DNM2: variants seen among roughly 807,000 people sequenced by gnomAD.
DNM2 encodes dynamin 2.
Under a neutral mutation model 99.0 loss-of-function variants are expected in DNM2, and 15 were observed. The observed-to-expected ratio is 0.15, with a 90% confidence interval of 0.10 to 0.23. DNM2 has a LOEUF of 0.23. Among genes scored for constraint, DNM2 ranks in the 10% least tolerant of loss-of-function variants. The pLI is 1.00. For synonymous variants in DNM2, 525 were observed against 481.2 expected, an observed-to-expected ratio of 1.09 and a Z score of -1.19; for missense variants, 742 against 1,189.4, an observed-to-expected ratio of 0.62 and a Z score of 5.53.
At chr19:10,739,524 T>C (rs909659809) in intron 1 of DNM2, among the ~76,000 whole-genome samples, 1 of 152,224 alleles carries the variant, frequency 6.6e-6, no homozygotes, top group Admixed American at 6.5e-5. Flanking sequence ...TGGCCTTTTG[T>C]GTGTGGCTTT....
Position 10,820,021 on chromosome 19 carries a change from G to C in DNM2, c.1713G>C (p.Lys571Asn). The change falls in exon 16 of 21, where the codon AAG becomes AAC. Residue 571 changes from lysine to asparagine, a missense_variant. By Grantham distance (94) the Lys-to-Asn change is moderately conservative (BLOSUM62 0). Coordinates refer to ENST00000389253, the MANE Select transcript of DNM2 (RefSeq NM_001005361.3). The surrounding 1 kb of genome is among the most constrained non-coding windows in gnomAD (Gnocchi z 4.3). ...KKYMLPLDNL[K>N]IRDVEKGFMS... ...ACATGCTGCCTCTGGACAACCTCAA[G>C]ATCCGTGATGTGGAGAAGGGCTTCA... 1 of 1,614,202 alleles carries C rather than the reference G, an allele frequency of 6.2e-7. No individual in the cohort carries two copies. The highest frequency in any genetic ancestry group is 8.5e-7 in the Non-Finnish European group (1 of 1,180,040).
intron 8 of DNM2, among the ~76,000 whole-genome samples, chr19:10,794,776 A>T (rs1403546999): frequency 1.3e-5 from 2 of 152,106 alleles, no homozygotes; most frequent in Non-Finnish European, 2.9e-5. Flanking sequence ...AAAGAAAGAA[A>T]AAAGAAAAAG....
At chr19:10,751,877 A>G (rs2070207864) in intron 1 of DNM2, among the ~76,000 whole-genome samples, 1 of 152,248 alleles carries the variant, frequency 6.6e-6, no homozygotes, top group Admixed American at 6.5e-5. Flanking sequence ...TAGCAAAGCA[A>G]TTTTACTTCT....
intron 1 of DNM2, among the ~76,000 whole-genome samples, chr19:10,719,974 C>T (rs1041194842): frequency 1.3e-5 from 2 of 151,430 alleles, no homozygotes; most frequent in African/African-American, 4.8e-5. Context: ...CTTCTGTCTA[C>T]CGTGGTGGAA....
chr19:10,808,795 T>G (rs1373561125), intron 14 of DNM2: 2 of 493,818 alleles, frequency 4.1e-6, no homozygotes, highest in East Asian at 6.6e-5. Context: ...ACCGCCACCC[T>G]TGAAGGCGCA....
chr19:10,755,897 C>T (rs1418401613), intron 1 of DNM2, among the ~76,000 whole-genome samples: 1 of 152,146 alleles, frequency 6.6e-6, no homozygotes, highest in African/African-American at 2.4e-5. Flanking sequence ...CTCCTGACCT[C>T]AGGTGACCCA....
chr19:10,814,519 C>A (rs1263085241), intron 15 of DNM2, among the ~76,000 whole-genome samples: 1 of 152,116 alleles, frequency 6.6e-6, no homozygotes, highest in African/African-American at 2.4e-5. Flanking sequence ...ACTGCAGTCA[C>A]CCTACTCTTC....
chr19:10,815,989 A>G (rs1232109101), intron 15 of DNM2, among the ~76,000 whole-genome samples: 1 of 152,046 alleles, frequency 6.6e-6, no homozygotes, highest in Non-Finnish European at 1.5e-5. Flanking sequence ...AAGAGAGCCC[A>G]CTGAGGCCAC....
At chr19:10,759,109 TTTTAG>T (rs371435868) in intron 1 of DNM2, among the ~76,000 whole-genome samples, 60 of 152,278 alleles carry the variant, frequency 3.9e-4, no homozygotes, top group African/African-American at 1.2e-3. Flanking sequence ...GCCCAGCTAA[TTTTAG>T]TTTAGTTTAG....
Position 10,759,817 on chromosome 19 carries a change from A to G in DNM2, c.235+6A>G, listed in dbSNP as rs113192269. 1.7e-3 allele frequency: 2,754 copies of G among 1,613,852 alleles called. 31 individuals are homozygous for G. The African/African-American group carries it at 0.023, about 13-fold the overall frequency. On this transcript the variant is annotated splice_donor_region_variant and intron_variant, in intron 2 of 20. Transcript: ENST00000389253. ...GCTCATCTTCTCAAAAACAGGTAAA[A>G]TGGGGCGGCCTGAGGTTCAGCAGGA...
chr19:10,776,435 C>CT (rs2071157091), intron 4 of DNM2, among the ~76,000 whole-genome samples: 1 of 152,162 alleles, frequency 6.6e-6, no homozygotes, highest in Non-Finnish European at 1.5e-5. Flanking sequence ...GAAGGGGCCC[C>CT]AGGGAGGGCA....
rs746216953 is a variant in DNM2, at chr19:10,830,128, C to T, written c.2293C>T (p.Pro765Ser). 7 of 1,613,850 alleles carry T rather than the reference C, an allele frequency of 4.3e-6. No homozygotes were observed. In the South Asian group the frequency reaches 5.5e-5, roughly 13 times the overall value. The change falls in exon 20 of 21, where the codon CCC becomes TCC. Residue 765 changes from proline to serine, a missense_variant and splice_region_variant. Transcript: ENST00000389253. The surrounding 1 kb of genome is among the most constrained non-coding windows in gnomAD (Gnocchi z 4.8). ...CTCACACCCTCTCCTTCCTCACAGC[C>T]CCACTCCACAGCGCCGACCGGTGTC... is the stretch of plus-strand genomic sequence containing the variant. ...TWLQSASSHS[P>S]TPQRRPVSSI... is the part of the protein sequence containing the mutation.
intron 1 of DNM2, among the ~76,000 whole-genome samples, chr19:10,756,130 G>A (rs1045729305): frequency 3.3e-5 from 5 of 152,126 alleles, no homozygotes; most frequent in Admixed American, 6.6e-5. Flanking sequence ...TGACTACTGT[G>A]ACGGAAAGAC....
At chr19:10,780,675 C>G (rs1322987299) in intron 5 of DNM2, among the ~76,000 whole-genome samples, 1 of 152,084 alleles carries the variant, frequency 6.6e-6, no homozygotes, top group Non-Finnish European at 1.5e-5. Context: ...TGCCTATAAC[C>G]CCAGGATTTT....
chr19:10,743,334 C>G (rs1254373862), intron 1 of DNM2, among the ~76,000 whole-genome samples: 1 of 151,796 alleles, frequency 6.6e-6, no homozygotes, highest in East Asian at 2.0e-4. Flanking sequence ...GATGCTCTAG[C>G]TGGGGGCCTG....
At chr19:10,748,685 C>G (rs2070084887) in intron 1 of DNM2, among the ~76,000 whole-genome samples, 1 of 152,216 alleles carries the variant, frequency 6.6e-6, no homozygotes, top group Non-Finnish European at 1.5e-5. Flanking sequence ...TGTCCTGGCT[C>G]TGCTCCTCCC....
chr19:10,779,438 G>A (rs917707917), intron 5 of DNM2, among the ~76,000 whole-genome samples: 10 of 145,174 alleles, frequency 6.9e-5, no homozygotes, highest in Non-Finnish European at 1.4e-4. Context: ...CACATCCATG[G>A]TTGACATCAG....
rs2070770040 is a variant in DNM2 at position 10,765,491 on chromosome 19, G to A, written c.235+5680G>A. ...GGTCCATCACTCTGCCATTCCATCT[G>A]CAGCCTTGTATCTAGAGAGCAGACC... On this transcript the variant is annotated intron_variant, in intron 2 of 20. Coordinates refer to ENST00000389253, the MANE Select transcript of DNM2 (RefSeq NM_001005361.3). The surrounding 1 kb of genome is among the most constrained non-coding windows in gnomAD (Gnocchi z 4.4). Among the ~76,000 whole-genome samples the A allele has an allele frequency of 6.6e-6, 1 of 152,232 alleles. No homozygotes were observed. Among genetic ancestry groups the A allele is most frequent in the African/African-American group, 2.4e-5 (1 of 41,458 alleles).
At chr19:10,782,324 G>T (rs140013680) in intron 5 of DNM2, among the ~76,000 whole-genome samples, 1 of 151,316 alleles carries the variant, frequency 6.6e-6, no homozygotes, top group African/African-American at 2.4e-5. Flanking sequence ...GTGAGCCACC[G>T]CACCTGGCCT....
Sources: allele counts gnomAD v4.1 joint callset (sites outside exome capture counted in the v4.1 genomes callset), GRCh38; gene constraint gnomAD v4.1.1; non-coding constraint Gnocchi (gnomAD v3.1); transcripts MANE v1.5; gene names NCBI Gene and HGNC (gene_info 2026-07-23, HGNC 2026-07-21).